The following ULK4 variants were observed in gnomAD, a reference collection of about 807,000 sequenced individuals.
ULK4 encodes inactive serine/threonine-protein kinase ULK4.
In ULK4, 133 loss-of-function variants were observed where a neutral mutation model predicts 160.6. The observed-to-expected ratio is 0.83, with a 90% CI of 0.72 to 0.96. The LOEUF (loss-of-function observed/expected upper bound fraction) is 0.96. Ranked by LOEUF, ULK4 falls within the 40% of genes least tolerant of loss-of-function variation. ULK4 has a pLI of 0.00. For missense variants in ULK4, 1,580 were observed against 1,499.5 expected, an observed-to-expected ratio of 1.05 and a Z score of -0.89; for synonymous variants, 534 against 539.8, an observed-to-expected ratio of 0.99 and a Z score of 0.15.
chr3:41,701,718 A>G (rs1017510828), intron 27 of ULK4, among the ~76,000 whole-genome samples: 2 of 152,192 alleles, frequency 1.3e-5, no homozygotes, highest in Admixed American at 6.5e-5. Flanking sequence ...GGATATTTAA[A>G]AGAGAGAAAC....
chr3:41,562,670 T>C (rs1448387925), intron 32 of ULK4, among the ~76,000 whole-genome samples: 1 of 152,186 alleles, frequency 6.6e-6, no homozygotes, highest in African/African-American at 2.4e-5. Context: ...TATCAGAGAC[T>C]GGGATTGTAA....
chr3:41,928,536 C>CAA (rs35116501), intron 5 of ULK4, among the ~76,000 whole-genome samples: 5,537 of 141,220 alleles, frequency 0.039, 269 homozygotes, highest in African/African-American at 0.11. Context: ...AAAAACCCTT[C>CAA]AAAAAAAAAA....
In ULK4 at chr3:41,915,974, T is replaced by A. The variant is rs1716698; in HGVS notation, c.803+3A>T. 9 of 1,585,220 alleles carry A rather than the reference T, an allele frequency of 5.7e-6. No homozygotes were observed. Among genetic ancestry groups the A allele is most frequent in the Admixed American group, 1.9e-5 (1 of 51,412 alleles). On this transcript the variant is annotated splice_donor_region_variant and intron_variant, in intron 8 of 36. Coordinates refer to ENST00000301831, the MANE Select transcript of ULK4 (RefSeq NM_017886.4). ...GAAAAAAAGATCGAACTACTGTCCC[T>A]ACCTTTTCTGAGGATCTCTTTGAAG... is the stretch of plus-strand genomic sequence containing the variant.
intron 35 of ULK4, 120 bp downstream of exon 35, chr3:41,397,959 C>T: frequency 8.7e-7 from 1 of 1,148,022 alleles, no homozygotes; most frequent in Non-Finnish European, 1.2e-6. Flanking sequence ...ACTGGGAGTT[C>T]TTGACAACTC....
At chr3:41,540,151 C>A (rs2086644620) in intron 32 of ULK4, among the ~76,000 whole-genome samples, 1 of 152,060 alleles carries the variant, frequency 6.6e-6, no homozygotes, top group Non-Finnish European at 1.5e-5. Flanking sequence ...TGGTGGTTCA[C>A]TGCACCCATC....
rs532945908 is a variant in ULK4 at position 41,747,380 on chromosome 3, G to A, written c.2321+6981C>T. 7.2e-5 allele frequency among the ~76,000 whole-genome samples: 11 copies of A among 151,830 alleles called. 1 individual carries two copies. The highest frequency in any genetic ancestry group is 2.2e-4 in the African/African-American group (9 of 41,250). ...CTTAGAAGTCTCTGATAACTTCCTCGCTTTCAGGAATGACATGTCCCAGCC... is the reference window on the plus strand; with the variant it reads ...CTTAGAAGTCTCTGATAACTTCCTCACTTTCAGGAATGACATGTCCCAGCC... On this transcript the variant is annotated intron_variant, in intron 22 of 36. Coordinates refer to ENST00000301831, the MANE Select transcript of ULK4 (RefSeq NM_017886.4).
Position 41,789,731 on chromosome 3 carries a change from T to C in ULK4, c.2123A>G (p.Gln708Arg). 6.2e-7 allele frequency: 1 copy of C among 1,613,802 alleles called. No individual in the cohort carries two copies. The change falls in exon 21 of 37, where the codon CAG (glutamine) becomes CGG (arginine). Residue 708 changes from glutamine to arginine, a missense_variant. By Grantham distance (43) the Gln-to-Arg change is conservative. Transcript: ENST00000301831. ...GGCAGCGAATAAGGTCAACATGTAC[T>C]GCTGAACTTTGCAGATGGCAGAGGC... is the stretch of plus-strand genomic sequence containing the variant. ...SLASAICKVQ[Q>R]YMLTLFAAML... is the part of the protein sequence containing the mutation.
intron 35 of ULK4, among the ~76,000 whole-genome samples, chr3:41,345,133 G>A (rs2080773201): frequency 6.6e-6 from 1 of 152,178 alleles, no homozygotes; most frequent in African/African-American, 2.4e-5. Context: ...AACAGATGCT[G>A]ATGAGATTGC....
intron 31 of ULK4, among the ~76,000 whole-genome samples, chr3:41,603,773 G>T (rs1420948120): frequency 6.6e-6 from 1 of 152,068 alleles, no homozygotes; most frequent in Non-Finnish European, 1.5e-5. Flanking sequence ...GCAACTTCTT[G>T]TGAAAGTATA....
chr3:41,771,269 AT>A (rs2039358286), intron 21 of ULK4, among the ~76,000 whole-genome samples: 1 of 152,156 alleles, frequency 6.6e-6, no homozygotes, highest in South Asian at 2.1e-4. Flanking sequence ...AATCCAAACC[AT>A]TTTCAATGAG....
intron 35 of ULK4, among the ~76,000 whole-genome samples, chr3:41,320,919 TAATAA>T (rs965075256): frequency 7.2e-5 from 11 of 151,952 alleles, no homozygotes; most frequent in African/African-American, 2.4e-4. Flanking sequence ...TGTCTCAAAA[TAATAA>T]AATAAAATAA....
At chr3:41,950,245 C>G (rs1311850716) in intron 2 of ULK4, among the ~76,000 whole-genome samples, 2 of 151,822 alleles carry the variant, frequency 1.3e-5, no homozygotes, top group African/African-American at 2.4e-5. Flanking sequence ...TGCCACCACC[C>G]CCGGCTAATT....
intron 35 of ULK4, among the ~76,000 whole-genome samples, chr3:41,369,340 A>G (rs1263270253): frequency 6.6e-6 from 1 of 152,102 alleles, no homozygotes; most frequent in Non-Finnish European, 1.5e-5. Context: ...TAAAAATACT[A>G]GAAATTAGCC....
chr3:41,812,235 T>C (rs1432228059), intron 19 of ULK4, among the ~76,000 whole-genome samples: 1 of 152,118 alleles, frequency 6.6e-6, no homozygotes, highest in Non-Finnish European at 1.5e-5. Context: ...CAGTGAACAG[T>C]GATCACACCA....
intron 35 of ULK4, among the ~76,000 whole-genome samples, chr3:41,283,428 A>G (rs1351526687): frequency 3.3e-5 from 5 of 152,354 alleles, no homozygotes; most frequent in African/African-American, 2.4e-5. Flanking sequence ...CTGGATTAAG[A>G]AAATGTGGCA....
At chr3:41,890,085 C>G (rs1170405834) in intron 16 of ULK4, among the ~76,000 whole-genome samples, 1 of 152,082 alleles carries the variant, frequency 6.6e-6, no homozygotes, top group East Asian at 1.9e-4. Flanking sequence ...TGAGTGGTTG[C>G]CAGGGGTTGG....
In ULK4 at chr3:41,918,528, A is replaced by G; in HGVS notation, c.656T>C (p.Phe219Ser). 1.3e-6 allele frequency: 2 copies of G among 1,574,854 alleles called. No homozygotes were observed. Among genetic ancestry groups the G allele is most frequent in the Non-Finnish European group, 1.7e-6 (2 of 1,161,614 alleles). ...TAATTCTGAAATACTTTCTGAGAAG[A>G]ATGGAGGTTTTCCTGAAATCACATG... ...LYEMFSGKPP[F>S]FSESISELTE... Residue 219 changes from phenylalanine to serine, a missense_variant, in exon 7 of 37, where the codon TTC becomes TCC. Physicochemically the swap from Phe to Ser is radical, Grantham distance 155. Coordinates refer to ENST00000301831, the MANE Select transcript of ULK4 (RefSeq NM_017886.4).
At chr3:41,564,508 G>A (rs1212012490) in intron 32 of ULK4, among the ~76,000 whole-genome samples, 2 of 141,232 alleles carry the variant, frequency 1.4e-5, no homozygotes, top group Non-Finnish European at 3.0e-5. Context: ...CCCTAGGCTG[G>A]AGTGCAGTGG....
Position 41,316,414 on chromosome 3 carries a change from A to G in ULK4, c.3679-66840T>C, listed in dbSNP as rs141112164. On this transcript the variant is annotated intron_variant, in intron 35 of 36. Transcript: ENST00000301831. ...TGTATGATATGTGAATTATATCTCA[A>G]TAAAGCTATTATTTTTTAAAAATGG... 3.2e-3 allele frequency among the ~76,000 whole-genome samples: 494 copies of G among 152,358 alleles called. 3 individuals are homozygous for G. Among genetic ancestry groups the G allele is most frequent in the African/African-American group, 0.011 (463 of 41,582 alleles).
Sources: gnomAD v4.1 joint callset for allele counts (sites outside exome capture counted in the v4.1 genomes callset) on GRCh38, gnomAD v4.1.1 for gene constraint, MANE v1.5 for transcripts, NCBI Gene and HGNC (gene_info 2026-07-23, HGNC 2026-07-21) for gene names.